WDPCP: variants seen among roughly 807,000 people sequenced by gnomAD.
The protein encoded by WDPCP is WD repeat-containing and planar cell polarity effector protein fritz homolog.
WDPCP carries 71 observed loss-of-function variants against 93.1 expected under a neutral mutation model. The ratio of observed to expected loss-of-function variants is 0.76; its 90% CI spans 0.63 to 0.93. The LOEUF is 0.93. Ranked by LOEUF, WDPCP falls within the 40% of genes least tolerant of loss-of-function variation. The probability of loss-of-function intolerance (pLI) is 0.00; values close to 1 mark genes in which losing one functional copy is unlikely to be tolerated. For synonymous variants in WDPCP, 315 were observed against 315.0 expected (o/e 1.00, Z 0.00); for missense variants, 844 against 887.4 (o/e 0.95, Z 0.62).
upstream of WDPCP, chr2:63,593,633 G>A: frequency 2.1e-6 from 1 of 471,676 alleles, no homozygotes; most frequent in Non-Finnish European, 4.4e-6. Context: ...ATGCAGGTAG[G>A]GGTAAAGGTG....
At chr2:63,213,114 C>G (rs1457412346) in intron 14 of WDPCP, among the ~76,000 whole-genome samples, 1 of 152,140 alleles carries the variant, frequency 6.6e-6, no homozygotes, top group Non-Finnish European at 1.5e-5. Context: ...AATTCTGCAC[C>G]AAGTGGACCT....
chr2:63,275,879 A>G (rs552030526), intron 13 of WDPCP, among the ~76,000 whole-genome samples: 1 of 152,324 alleles, frequency 6.6e-6, no homozygotes, highest in Admixed American at 6.5e-5. Context: ...AACAGTGTAT[A>G]GAAACTCACA....
At position 63,338,562 on chromosome 2, in the gene WDPCP, AAAAAAAAATATAT is replaced by A. The variant is rs1262801687; in HGVS notation, c.1749-25264_1749-25252del. On this transcript the variant is annotated intron_variant, in intron 12 of 17. Coordinates refer to ENST00000272321, the MANE Select transcript of WDPCP (RefSeq NM_015910.7). ...AGCAAAACTCCATCTAAAAAAAAAA[AAAAAAAAATATAT>A]ATATATATATATATATATATATATA... Among the ~76,000 whole-genome samples the A allele has an allele frequency of 1.9e-4, 12 of 61,978 alleles. 1 individual carries two copies. Among genetic ancestry groups the A allele is most frequent in the South Asian group, 1.2e-3 (2 of 1,674 alleles). 40.7% of individuals were successfully genotyped at this position (61,978 alleles called of 152,430 possible).
chr2:63,338,345 A>G (rs1688540143), intron 12 of WDPCP, among the ~76,000 whole-genome samples: 1 of 151,692 alleles, frequency 6.6e-6, no homozygotes, highest in Non-Finnish European at 1.5e-5. Context: ...TGAGGTCAGG[A>G]GTTTGAGACC....
At chr2:63,199,568 G>A (rs544097061) in intron 14 of WDPCP, among the ~76,000 whole-genome samples, 3 of 152,362 alleles carry the variant, frequency 2.0e-5, no homozygotes, top group East Asian at 1.9e-4. Context: ...GCTTCCATGT[G>A]GTGTTAAGCC....
rs142158722 is a variant in WDPCP at position 63,225,118 on chromosome 2, A to G, written c.1915+34189T>C. On this transcript the variant is annotated intron_variant, in intron 14 of 17. Transcript: ENST00000272321. ...TAAAGATACTCAGGAATGAAAAAAT[A>G]CTTTTCAGACTTTGGGGTTGTTCTG... 4.0e-3 allele frequency among the ~76,000 whole-genome samples: 608 copies of G among 151,960 alleles called. 3 individuals are homozygous for G. The highest frequency in any genetic ancestry group is 0.014 in the African/African-American group (585 of 41,518).
At chr2:63,331,931 A>T (rs147436862) in intron 12 of WDPCP, among the ~76,000 whole-genome samples, 5 of 152,052 alleles carry the variant, frequency 3.3e-5, no homozygotes, top group African/African-American at 1.2e-4. Flanking sequence ...AAAAAAATTG[A>T]GTAGCATTAA....
In WDPCP at chr2:63,358,309, G is replaced by GT. The variant is rs557575967; in HGVS notation, c.1748+20076dup. ...ATTTCAGTCCTGTTACTATATTCCT[G>GT]TTTTTTTTTTAACTAGCACTCACAG... is the stretch of plus-strand genomic sequence containing the variant. On this transcript the variant is annotated intron_variant, in intron 12 of 17. Coordinates refer to ENST00000272321, the MANE Select transcript of WDPCP (RefSeq NM_015910.7). 1.4e-3 allele frequency among the ~76,000 whole-genome samples: 204 copies of GT among 147,874 alleles called. 1 individual carries two copies. The highest frequency in any genetic ancestry group is 3.5e-3 in the African/African-American group (141 of 40,406).
chr2:63,211,708 C>CT (rs1676824981), intron 14 of WDPCP, among the ~76,000 whole-genome samples: 3 of 152,088 alleles, frequency 2.0e-5, no homozygotes, highest in African/African-American at 7.2e-5. Flanking sequence ...CGCAAAGAAG[C>CT]TAAAAACCTT....
chr2:63,579,500 C>A (rs995342040), intron 1 of WDPCP, among the ~76,000 whole-genome samples: 17 of 152,112 alleles, frequency 1.1e-4, no homozygotes, highest in African/African-American at 4.1e-4. Flanking sequence ...GTCCCAGCTA[C>A]TCAGGAGGCT....
Position 63,153,575 on chromosome 2 carries a change from C to T in WDPCP, c.2079-1G>A. The stretch of plus-strand genomic sequence containing the variant: ...TTCATTCCTTCTGTCAATTATTTGT[C>T]TGCAGTATATGGGTGTTTTTAATTG... On this transcript the variant is annotated splice_acceptor_variant, in intron 15 of 17. Coordinates refer to ENST00000272321, the MANE Select transcript of WDPCP (RefSeq NM_015910.7). LOFTEE classifies it high-confidence loss of function. The T allele has an allele frequency of 6.2e-7, 1 of 1,611,292 alleles. No homozygotes were observed. The highest frequency in any genetic ancestry group is 8.5e-7 in the Non-Finnish European group (1 of 1,178,418).
intron 12 of WDPCP, among the ~76,000 whole-genome samples, chr2:63,366,489 C>G (rs1690914322): frequency 6.6e-6 from 1 of 150,630 alleles, no homozygotes; most frequent in African/African-American, 2.5e-5. Context: ...ACAACACTGT[C>G]ATCAATAATA....
chr2:63,782,130 G>A (rs1670403499), intron 2 of WDPCP, among the ~76,000 whole-genome samples: 1 of 151,932 alleles, frequency 6.6e-6, no homozygotes, highest in Non-Finnish European at 1.5e-5. Flanking sequence ...AATGAAACTG[G>A]ACCTGTATCT....
chr2:63,839,225 A>G, the WDPCP span, among the ~76,000 whole-genome samples: 2 of 152,246 alleles, frequency 1.3e-5, no homozygotes, highest in African/African-American at 4.8e-5. Context: ...GAAGGCAGAA[A>G]ATACAGTAAC....
chr2:63,587,694 A>T (rs781227649), intron 1 of WDPCP, among the ~76,000 whole-genome samples: 1 of 152,244 alleles, frequency 6.6e-6, no homozygotes, highest in Non-Finnish European at 1.5e-5. Flanking sequence ...GGCAGCATTA[A>T]TTTTAAAGAG....
intron 14 of WDPCP, among the ~76,000 whole-genome samples, chr2:63,224,336 C>G (rs1461255605): frequency 6.6e-6 from 1 of 151,910 alleles, no homozygotes; most frequent in East Asian, 1.9e-4. Context: ...TTTGGTGCTT[C>G]CTTACAAAAC....
At position 63,404,292 on chromosome 2, in the gene WDPCP, G is replaced by C; in HGVS notation, c.1191C>G (p.Asn397Lys). The C allele has an allele frequency of 6.2e-7, 1 of 1,614,094 alleles. No homozygotes were observed. Among genetic ancestry groups the C allele is most frequent in the Non-Finnish European group, 8.5e-7 (1 of 1,180,004 alleles). Residue 397 changes from asparagine (N) to lysine (K), a missense_variant, in exon 10 of 18, where the codon AAC (asparagine) becomes AAG (lysine). By Grantham distance (94) the Asn-to-Lys change is moderately conservative. Coordinates refer to ENST00000272321, the MANE Select transcript of WDPCP (RefSeq NM_015910.7). Reference sequence around the variant, plus strand: ...TATCAAAAATTTGCAACTCCCCTTGGTTGCTGCCAACTAGCAGAATGGCAC... The same window carrying C: ...TATCAAAAATTTGCAACTCCCCTTGCTTGCTGCCAACTAGCAGAATGGCAC... Reference protein sequence around the residue: ...PSGAILLVGSNQGELQIFDMA... With the variant: ...PSGAILLVGSKQGELQIFDMA...
chr2:63,788,934 A>G (rs1670506978), intron 2 of WDPCP, among the ~76,000 whole-genome samples: 1 of 152,138 alleles, frequency 6.6e-6, no homozygotes, highest in African/African-American at 2.4e-5. Context: ...AACACTAAAC[A>G]TAGATCCTCA....
intron 1 of WDPCP, among the ~76,000 whole-genome samples, chr2:63,493,189 A>G (rs1198369315): frequency 6.6e-6 from 1 of 152,192 alleles, no homozygotes; most frequent in African/African-American, 2.4e-5. Context: ...TAAGAAGAAT[A>G]TATATAGTAT....
Sources: gnomAD v4.1 joint callset for allele counts (sites outside exome capture counted in the v4.1 genomes callset) on GRCh38, gnomAD v4.1.1 for gene constraint, MANE v1.5 for transcripts, NCBI Gene and HGNC (gene_info 2026-07-23, HGNC 2026-07-21) for gene names.